ASAP3: variants seen among roughly 807,000 people sequenced by gnomAD.
ASAP3 encodes the protein arf-GAP with SH3 domain, ANK repeat and PH domain-containing protein 3.
Under a neutral mutation model 118.2 loss-of-function variants are expected in ASAP3, and 85 were observed. The ratio of observed to expected loss-of-function variants is 0.72; its 90% CI spans 0.60 to 0.86. The LOEUF (loss-of-function observed/expected upper bound fraction) is 0.86. ASAP3 is among the 40% of genes least tolerant of loss of function. The pLI is 0.00. For missense variants in ASAP3, 1,026 were observed against 1,175.0 expected (o/e 0.87, Z 1.85); for synonymous variants, 432 against 477.4 (o/e 0.90, Z 1.24).
chr1:23,459,942 T>C (rs1170263019), intron 1 of ASAP3, among the ~76,000 whole-genome samples: 2 of 152,240 alleles, frequency 1.3e-5, no homozygotes, highest in Non-Finnish European at 2.9e-5. Flanking sequence ...GAATAAAGAC[T>C]ACATTTCCTA....
In ASAP3 at chr1:23,435,957, G is replaced by A. The variant is rs1191541107; in HGVS notation, c.1643C>T (p.Pro548Leu). The A allele has an allele frequency of 6.2e-7, 1 of 1,614,252 alleles. No individual in the cohort carries two copies. Among genetic ancestry groups the A allele is most frequent in the African/African-American group, 1.3e-5 (1 of 75,064 alleles). Residue 548 changes from proline (P) to leucine (L), a missense_variant, in exon 17 of 25, where the codon CCT becomes CTT. Coordinates refer to ENST00000336689, the MANE Select transcript of ASAP3 (RefSeq NM_017707.4). ...HRFARRCTPEPQRLWTAICNR... is the reference protein window; with the variant it reads ...HRFARRCTPELQRLWTAICNR... ...GCAAATGGCTGTCCAGAGTCGCTGA[G>A]GCTCAGGTGTGCACCGGCGTGCAAA...
At chr1:23,433,343 C>T (rs768410572) in intron 21 of ASAP3, 71 bp from the exon 22 acceptor site, 20 of 1,611,104 alleles carry the variant, frequency 1.2e-5, no homozygotes, top group African/African-American at 6.7e-5. Context: ...CCCGCCTCAC[C>T]GCCCCCGCCA....
chr1:23,477,960 G>A lies in ASAP3; in HGVS notation c.129+6045C>T, dbSNP rs149432224. Among the ~76,000 whole-genome samples the A allele has an allele frequency of 7.8e-3, 1,184 of 152,268 alleles. 11 individuals carry two copies. Among genetic ancestry groups the A allele is most frequent in the African/African-American group, 0.027 (1,117 of 41,558 alleles). ...CAGGGCAGGGACTGCATCTCTAACT[G>A]AGCGATGCATCTGCCCAGTGCCTCA... On this transcript the variant is annotated intron_variant, in intron 1 of 24. Coordinates refer to ENST00000336689, the MANE Select transcript of ASAP3 (RefSeq NM_017707.4).
rs901825094 is a variant in ASAP3, at chr1:23,484,168, G to T, written c.-35C>A. 1.6e-6 allele frequency: 2 copies of T among 1,246,138 alleles called. No homozygotes were observed. The highest frequency in any genetic ancestry group is 3.1e-5 in the African/African-American group (2 of 64,116). 77.2% of individuals were successfully genotyped at this position (1,246,138 alleles called of 1,614,324 possible). ...GAGCGTGGAGCTGCCGGAGCGGGGC[G>T]CGGGGGGCACTGAGCTGCTCCGCGC... On this transcript the variant is annotated 5_prime_UTR_variant, in exon 1 of 25. Coordinates refer to ENST00000336689, the MANE Select transcript of ASAP3 (RefSeq NM_017707.4).
Position 23,436,935 on chromosome 1 carries a change from G to C in ASAP3, c.1452C>G (p.Asp484Glu). The change falls in exon 15 of 25, where the codon GAC becomes GAG. Residue 484 changes from aspartate (D) to glutamate (E), a missense_variant. Transcript: ENST00000336689. This position sits in a 1 kb window ranked among gnomAD's most constrained non-coding sequence, Gnocchi z 4.2. The part of the protein sequence containing the change: ...RFSRMQSLTL[D>E]LLGPSELLLA... ...CCAACAACTCGGAGGGGCCCAGCAG[G>C]TCCAAGGTGAGTGACTGCATGCGCG... The C allele has an allele frequency of 6.2e-7, 1 of 1,612,300 alleles. No homozygotes were observed. Among genetic ancestry groups the C allele is most frequent in the East Asian group, 2.2e-5 (1 of 44,848 alleles).
At position 23,437,556 on chromosome 1, in the gene ASAP3, G is replaced by A. The variant is rs575796146; in HGVS notation, c.1103-84C>T. ...CAGGGAGCCCCCACCAAAGCCGCTG[G>A]GGCCACATGGAGATGTGTCCCTGAC... is the stretch of plus-strand genomic sequence containing the variant. On this transcript the variant is annotated intron_variant, in intron 12 of 24. Coordinates refer to ENST00000336689, the MANE Select transcript of ASAP3 (RefSeq NM_017707.4). This position sits in a 1 kb window ranked among gnomAD's most constrained non-coding sequence, Gnocchi z 6.1. 5 of 1,538,690 alleles carry A rather than the reference G, an allele frequency of 3.2e-6. No homozygotes were observed. Among genetic ancestry groups the A allele is most frequent in the Non-Finnish European group, 2.7e-6 (3 of 1,123,950 alleles).
intron 5 of ASAP3, among the ~76,000 whole-genome samples, chr1:23,444,940 C>A (rs1486352874): frequency 6.6e-6 from 1 of 151,196 alleles, no homozygotes; most frequent in African/African-American, 2.4e-5. Flanking sequence ...AGAAATGTCT[C>A]CAGACATTGC....
intron 1 of ASAP3, among the ~76,000 whole-genome samples, chr1:23,483,594 G>C (rs1401511998): frequency 2.0e-5 from 3 of 152,128 alleles, no homozygotes; most frequent in Admixed American, 6.5e-5. Context: ...TCTGCAGCCG[G>C]GGGGAAGAAA....
intron 1 of ASAP3, among the ~76,000 whole-genome samples, chr1:23,468,586 C>T (rs1641850843): frequency 6.6e-6 from 1 of 152,004 alleles, no homozygotes; most frequent in South Asian, 2.1e-4. Context: ...AAAAATACAA[C>T]GTTTGGCAGG....
In ASAP3 at chr1:23,442,249, C is replaced by T. The variant is rs1429045642; in HGVS notation, c.608G>A (p.Ser203Asn). 1.2e-6 allele frequency: 2 copies of T among 1,605,876 alleles called. No homozygotes were observed. The highest frequency in any genetic ancestry group is 1.3e-5 in the African/African-American group (1 of 74,990). ...GAAGTCAGGACCTTGCTTCATCTGG[C>T]TCTCCCCGGCTTTGAGCAGATACTA... ...MCEYLLKAGE[S>N]QMKQGPDFLQ... The change falls in exon 7 of 25, where the codon AGC (serine) becomes AAC (asparagine). Residue 203 changes from serine (S) to asparagine (N), a missense_variant. Ser to Asn is a conservative substitution (Grantham distance 46, BLOSUM62 1). Transcript: ENST00000336689.
In ASAP3 at chr1:23,437,215, C is replaced by T; in HGVS notation, c.1257G>A (p.Gly419=). The change falls in exon 14 of 25, where the codon GGG becomes GGA. Residue 419 remains glycine, a synonymous_variant. Transcript: ENST00000336689. This position sits in a 1 kb window ranked among gnomAD's most constrained non-coding sequence, Gnocchi z 6.1. ...GCAGCTTTGTGAGGTCGTGCGGCTC[C>T]CCATCATGGCCGGCGGACCCCCAGG... ...PGSWGSAGHD[G]EPHDLTKLLI... The T allele has an allele frequency of 6.2e-7, 1 of 1,600,956 alleles. No homozygotes were observed. The highest frequency in any genetic ancestry group is 8.5e-7 in the Non-Finnish European group (1 of 1,174,070).
At chr1:23,460,677 C>G (rs1285622206) in intron 1 of ASAP3, among the ~76,000 whole-genome samples, 1 of 152,138 alleles carries the variant, frequency 6.6e-6, no homozygotes, top group Non-Finnish European at 1.5e-5. Context: ...AGTTTCTTAA[C>G]TAAACGTACT....
In ASAP3 at chr1:23,428,777, A is replaced by C. The variant is rs1455754619; in HGVS notation, c.*1079T>G. On this transcript the variant is annotated 3_prime_UTR_variant, in exon 25 of 25. Coordinates refer to ENST00000336689, the MANE Select transcript of ASAP3 (RefSeq NM_017707.4). ...CTGCTTGGCTTGGCCCATTCCTGCC[A>C]GGGCCCAGCACCCAGCAACTGGCAA... 1 of 154,122 alleles carries C rather than the reference A, an allele frequency of 6.5e-6. No homozygotes were observed. The highest frequency in any genetic ancestry group is 1.5e-5 in the Non-Finnish European group (1 of 68,242). The allele number at this position is 154,122 out of a possible 1,614,324, so 9.5% of individuals were successfully genotyped here. A position where few individuals can be genotyped will look rare whatever the true frequency, so the allele number is the denominator to read the frequency against.
intron 5 of ASAP3, among the ~76,000 whole-genome samples, chr1:23,442,857 G>A (rs1640921885): frequency 6.6e-6 from 1 of 152,110 alleles, no homozygotes; most frequent in Admixed American, 6.6e-5. Flanking sequence ...CAACCTCGTT[G>A]GGGCTAGTTG....
chr1:23,432,855 C>T (rs1640487760), intron 22 of ASAP3, among the ~76,000 whole-genome samples: 1 of 152,192 alleles, frequency 6.6e-6, no homozygotes, highest in African/African-American at 2.4e-5. Context: ...ATAAGATGGG[C>T]TGAGATTTGA....
At chr1:23,441,624 A>G in intron 8 of ASAP3, 31 bp downstream of exon 8, 1 of 1,612,820 alleles carries the variant, frequency 6.2e-7, no homozygotes. Context: ...AGGGGGCTTG[A>G]TCACGTGCCC....
intron 1 of ASAP3, among the ~76,000 whole-genome samples, chr1:23,473,696 C>CA (rs1220126818): frequency 2.6e-5 from 4 of 151,998 alleles, no homozygotes; most frequent in South Asian, 2.1e-4. Flanking sequence ...GAAGTGAGCA[C>CA]AAAAAAAGAC....
chr1:23,437,115 GCCCC>G lies in ASAP3; in HGVS notation c.1342+11_1342+14del. 2 of 1,601,350 alleles carry G rather than the reference GCCCC, an allele frequency of 1.2e-6. No homozygotes were observed. Among genetic ancestry groups the G allele is most frequent in the Non-Finnish European group, 1.7e-6 (2 of 1,173,548 alleles). On this transcript the variant is annotated intron_variant, in intron 14 of 24. Coordinates refer to ENST00000336689, the MANE Select transcript of ASAP3 (RefSeq NM_017707.4). The surrounding 1 kb of genome is among the most constrained non-coding windows in gnomAD (Gnocchi z 6.1). ...CCACTTAAGCCTCCCTCCTGCCCCG[GCCCC>G]GGGGACCGACCTGCAGCCCCGCAGT...
intron 1 of ASAP3, among the ~76,000 whole-genome samples, chr1:23,470,555 C>G (rs777964596): frequency 6.6e-6 from 1 of 152,250 alleles, no homozygotes; most frequent in Admixed American, 6.5e-5. Context: ...CTCCTTCCCA[C>G]CCTGAGCCTC....
Sources: gnomAD v4.1 joint callset for allele counts (sites outside exome capture counted in the v4.1 genomes callset) on GRCh38, gnomAD v4.1.1 for gene constraint, Gnocchi (gnomAD v3.1) non-coding constraint, MANE v1.5 for transcripts, NCBI Gene and HGNC (gene_info 2026-07-23, HGNC 2026-07-21) for gene names.